Variants in RBM19 observed in about 807,000 individuals in gnomAD.
RBM19 encodes the protein RNA binding motif protein 19.
RBM19 carries 94 observed loss-of-function variants against 116.8 expected under a neutral mutation model. The ratio of observed to expected loss-of-function variants is 0.80; its 90% CI spans 0.68 to 0.95. The LOEUF is 0.95. Ranked by LOEUF, RBM19 falls within the 40% of genes least tolerant of loss-of-function variation. The pLI, the probability that RBM19 is intolerant of heterozygous loss-of-function variation, is 0.00. For missense variants in RBM19, 1,161 were observed against 1,220.7 expected, an observed-to-expected ratio of 0.95 and a Z score of 0.73; for synonymous variants, 475 against 494.1, an observed-to-expected ratio of 0.96 and a Z score of 0.51.
intron 23 of RBM19, among the ~76,000 whole-genome samples, chr12:113,830,602 G>A (rs1198818712): frequency 3.5e-5 from 5 of 142,560 alleles, no homozygotes; most frequent in African/African-American, 1.3e-4. Context: ...GGCTATGCCT[G>A]GGGGCTTCTA....
intron 18 of RBM19, among the ~76,000 whole-genome samples, chr12:113,923,959 T>C (rs1479775096): frequency 6.6e-6 from 1 of 152,226 alleles, no homozygotes; most frequent in Non-Finnish European, 1.5e-5. Flanking sequence ...ACCCAGTACT[T>C]TGCATGCAGT....
chr12:113,876,789 C>CA (rs33999104), intron 21 of RBM19, among the ~76,000 whole-genome samples: 17,540 of 145,428 alleles, frequency 0.12, 1,185 homozygotes, highest in Non-Finnish European at 0.16. Context: ...ACCCTGTCTC[C>CA]AAAAAAAAAT....
chr12:113,906,585 C>A (rs919154667), intron 21 of RBM19, among the ~76,000 whole-genome samples: 1 of 152,122 alleles, frequency 6.6e-6, no homozygotes, highest in African/African-American at 2.4e-5. Flanking sequence ...CGCTTAGGAT[C>A]TGTGCACTTT....
chr12:113,923,318 C>A (rs570712874), intron 18 of RBM19, among the ~76,000 whole-genome samples: 1 of 152,212 alleles, frequency 6.6e-6, no homozygotes, highest in Admixed American at 6.5e-5. Context: ...TAGAACAGAC[C>A]TTCCCTCGCA....
At chr12:113,933,641 A>T (rs2135892405) in intron 16 of RBM19, among the ~76,000 whole-genome samples, 1 of 152,318 alleles carries the variant, frequency 6.6e-6, no homozygotes, top group East Asian at 1.9e-4. Context: ...CCTACAATGT[A>T]GACCCAGGAA....
chr12:113,853,128 CA>C, intron 22 of RBM19, among the ~76,000 whole-genome samples: 2 of 152,384 alleles, frequency 1.3e-5, no homozygotes, highest in South Asian at 4.1e-4. Context: ...TCTGCCAAAA[CA>C]CTGGCATCCC....
At chr12:113,955,068 G>C in intron 7 of RBM19, 63 bp downstream of exon 7, 3 of 1,538,758 alleles carry the variant, frequency 1.9e-6, no homozygotes, top group Non-Finnish European at 1.8e-6. Flanking sequence ...AAGGCTCCTG[G>C]CCTCCCCACC....
At chr12:113,946,597 G>A (rs928902866) in intron 11 of RBM19, 122 bp from the exon 12 acceptor site, 65 of 1,356,504 alleles carry the variant, frequency 4.8e-5, no homozygotes, top group South Asian at 3.3e-4. Context: ...CTGACCAGAG[G>A]GTGGGAGGGA....
Position 113,939,986 on chromosome 12 carries a change from C to T in RBM19, c.1912G>A (p.Ala638Thr). The T allele has an allele frequency of 3.7e-6, 6 of 1,614,118 alleles. No individual in the cohort carries two copies. The highest frequency in any genetic ancestry group is 5.1e-6 in the Non-Finnish European group (6 of 1,180,034). Reference protein sequence around the residue: ...EFLEPLEARKAFRHLAYSKFH... With the variant: ...EFLEPLEARKTFRHLAYSKFH... ...TTGGAATAGGCCAGATGCCTGAAGG[C>T]CTTGCGGGCCTCCAGGGGCTCCAGG... Residue 638 changes from alanine (A) to threonine (T), a missense_variant, in exon 15 of 24, where the codon GCC (alanine) becomes ACC (threonine). By Grantham distance (58) the Ala-to-Thr change is moderately conservative. Transcript: ENST00000261741.
chr12:113,862,255 C>T (rs995779901), intron 21 of RBM19, among the ~76,000 whole-genome samples: 12 of 152,114 alleles, frequency 7.9e-5, no homozygotes, highest in African/African-American at 1.7e-4. Context: ...AACCAAGGGA[C>T]GGAGAAGAAA....
At chr12:113,834,582 C>T (rs1053894084) in intron 23 of RBM19, among the ~76,000 whole-genome samples, 2 of 152,104 alleles carry the variant, frequency 1.3e-5, no homozygotes, top group African/African-American at 4.8e-5. Flanking sequence ...TAGCCCTAGA[C>T]GATATATGAA....
chr12:113,955,921 T>TCCAGAG (rs1347946818), intron 6 of RBM19, among the ~76,000 whole-genome samples: 1 of 152,188 alleles, frequency 6.6e-6, no homozygotes, highest in African/African-American at 2.4e-5. Flanking sequence ...GGTGCTGCAT[T>TCCAGAG]CCAGAGGGTT....
chr12:113,896,724 C>T (rs1047796167), intron 21 of RBM19, among the ~76,000 whole-genome samples: 4 of 152,056 alleles, frequency 2.6e-5, no homozygotes, highest in Non-Finnish European at 5.9e-5. Context: ...GCCTCCAAGA[C>T]GATGGTGAAA....
At chr12:113,942,051 G>A (rs973953514) in intron 14 of RBM19, among the ~76,000 whole-genome samples, 1 of 152,188 alleles carries the variant, frequency 6.6e-6, no homozygotes, top group African/African-American at 2.4e-5. Context: ...CCACTGGGTA[G>A]GGGAGTGAGA....
In RBM19 at chr12:113,953,961, C is replaced by T. The variant is rs370797413; in HGVS notation, c.921+1170G>A. Among the ~76,000 whole-genome samples the T allele has an allele frequency of 3.9e-5, 6 of 152,374 alleles. No homozygotes were observed. In the East Asian group the frequency reaches 5.8e-4, roughly 15 times the overall value. ...CTTTACAGACGAAGTCTGCTCACCC[C>T]TAATCCCAAGGAACTGAATTATTAT... On this transcript the variant is annotated intron_variant, in intron 7 of 23. Coordinates refer to ENST00000261741, the MANE Select transcript of RBM19 (RefSeq NM_016196.4).
intron 10 of RBM19, 32 bp from the exon 11 acceptor site, chr12:113,947,496 G>C (rs780775675): frequency 6.4e-7 from 1 of 1,569,716 alleles, no homozygotes; most frequent in South Asian, 1.1e-5. Flanking sequence ...GTCTCTGGTA[G>C]GCCGCAGCCA....
intron 21 of RBM19, among the ~76,000 whole-genome samples, chr12:113,907,729 T>C: frequency 6.6e-6 from 1 of 152,174 alleles, no homozygotes; most frequent in Non-Finnish European, 1.5e-5. Context: ...CAGTGCTCTG[T>C]GAGGACGTGC....
At chr12:113,885,394 A>G (rs1880446289) in intron 21 of RBM19, among the ~76,000 whole-genome samples, 1 of 152,218 alleles carries the variant, frequency 6.6e-6, no homozygotes, top group East Asian at 1.9e-4. Flanking sequence ...AAAGCAATAC[A>G]GGGTAACATT....
intron 21 of RBM19, among the ~76,000 whole-genome samples, chr12:113,878,715 G>C (rs1258960428): frequency 6.6e-6 from 1 of 150,832 alleles, no homozygotes; most frequent in Non-Finnish European, 1.5e-5. Context: ...TGGCAGGAAA[G>C]CCGCCCAAGG....
Sources: gnomAD v4.1 joint callset for allele counts (sites outside exome capture counted in the v4.1 genomes callset) on GRCh38, gnomAD v4.1.1 for gene constraint, MANE v1.5 for transcripts, NCBI Gene and HGNC (gene_info 2026-07-23, HGNC 2026-07-21) for gene names.